The following SPON1 variants were observed in gnomAD, a reference collection of about 807,000 sequenced individuals.
SPON1 encodes the protein spondin 1.
Under a neutral mutation model 111.7 loss-of-function variants are expected in SPON1, and 52 were observed. The ratio of observed to expected loss-of-function variants is 0.47; its 90% CI spans 0.37 to 0.59. SPON1 has a LOEUF of 0.59. Ranked by LOEUF, SPON1 falls within the 20% of genes least tolerant of loss-of-function variation. The pLI is 0.00. For missense variants in SPON1, 957 were observed against 1,068.5 expected (o/e 0.90, Z 1.46); for synonymous variants, 410 against 395.8 (o/e 1.04, Z -0.43).
chr11:14,124,306 C>T (rs1847431257), intron 5 of SPON1, among the ~76,000 whole-genome samples: 1 of 152,148 alleles, frequency 6.6e-6, no homozygotes, highest in Admixed American at 6.5e-5. Flanking sequence ...ATAACCTTCC[C>T]CCAACTCCCT....
chr11:14,178,540 C>G (rs1318657186), intron 6 of SPON1, among the ~76,000 whole-genome samples: 1 of 152,108 alleles, frequency 6.6e-6, no homozygotes. Context: ...ATCAGCCTGC[C>G]TTTTTTTATT....
intron 14 of SPON1, chr11:14,262,426 G>A (rs1481135876): frequency 4.2e-6 from 2 of 475,708 alleles, no homozygotes; most frequent in Admixed American, 6.6e-5. Context: ...ACAGAGCAGG[G>A]CAAGAGGCTC....
chr11:14,156,582 T>C (rs1295746242), intron 6 of SPON1, among the ~76,000 whole-genome samples: 1 of 151,912 alleles, frequency 6.6e-6, no homozygotes, highest in Non-Finnish European at 1.5e-5. Context: ...GCCTATCTCC[T>C]GAATGGTATT....
At chr11:14,031,298 T>G (rs782217115) in intron 2 of SPON1, among the ~76,000 whole-genome samples, 10 of 152,216 alleles carry the variant, frequency 6.6e-5, no homozygotes, top group African/African-American at 1.4e-4. Flanking sequence ...AACCTGTACA[T>G]GTACACCCTG....
intron 5 of SPON1, among the ~76,000 whole-genome samples, chr11:14,088,020 G>A (rs1252681818): frequency 6.6e-6 from 1 of 151,994 alleles, no homozygotes; most frequent in Non-Finnish European, 1.5e-5. Context: ...GAGCCTATGT[G>A]TGCCTTTGCA....
chr11:14,204,704 T>G (rs1219475361), intron 6 of SPON1, among the ~76,000 whole-genome samples: 2 of 116,390 alleles, frequency 1.7e-5, no homozygotes, highest in Middle Eastern at 4.5e-3. Context: ...TGTTTGTTTG[T>G]TTTTGGTTTT....
At chr11:14,012,539 A>C (rs1460894661) in intron 2 of SPON1, among the ~76,000 whole-genome samples, 4 of 152,156 alleles carry the variant, frequency 2.6e-5, no homozygotes, top group Non-Finnish European at 4.4e-5. Context: ...TTCTCCATAA[A>C]TGCATCATCA....
At chr11:14,130,233 A>G in intron 5 of SPON1, among the ~76,000 whole-genome samples, 1 of 152,176 alleles carries the variant, frequency 6.6e-6, no homozygotes, top group East Asian at 1.9e-4. Context: ...TCATCTCCCT[A>G]CATCCCACTG....
In SPON1 at chr11:13,962,851, A is replaced by G. The variant is rs1591333223; in HGVS notation, c.-54A>G. On this transcript the variant is annotated 5_prime_UTR_variant, in exon 1 of 16. Transcript: ENST00000576479. Reference sequence around the variant, plus strand: ...CGCCTTCGTCGGGACCACTTCGGGCAGGAGTCGCGTGGCGAAGGCCTGCGG... The same window carrying G: ...CGCCTTCGTCGGGACCACTTCGGGCGGGAGTCGCGTGGCGAAGGCCTGCGG... 4.3e-6 allele frequency: 6 copies of G among 1,394,796 alleles called. No individual in the cohort carries two copies. The East Asian group carries it at 1.7e-4, about 40-fold the overall frequency. The allele number at this position is 1,394,796 out of a possible 1,614,324, so 86.4% of individuals were successfully genotyped here.
intron 6 of SPON1, among the ~76,000 whole-genome samples, chr11:14,142,986 C>T (rs1847674213): frequency 6.6e-6 from 1 of 152,324 alleles, no homozygotes. Context: ...CTCTCCCCGA[C>T]TATTTCTCAA....
intron 3 of SPON1, among the ~76,000 whole-genome samples, chr11:14,045,452 C>A (rs373578259): frequency 2.0e-5 from 3 of 151,976 alleles, no homozygotes; most frequent in Admixed American, 6.5e-5. Context: ...GTGGCATGCG[C>A]CTGTAATCCC....
intron 2 of SPON1, among the ~76,000 whole-genome samples, chr11:13,997,799 A>G (rs147570215): frequency 2.0e-5 from 3 of 152,324 alleles, no homozygotes; most frequent in Non-Finnish European, 2.9e-5. Context: ...AATCTGTTCA[A>G]TGTGGGTGGT....
At chr11:14,147,751 C>A (rs1189440166) in intron 6 of SPON1, among the ~76,000 whole-genome samples, 1 of 145,704 alleles carries the variant, frequency 6.9e-6, no homozygotes, top group Non-Finnish European at 1.5e-5. Context: ...AATACTAAGA[C>A]TTTTTTTTTT....
rs948244911 is a variant in SPON1, at chr11:13,986,722, C to T, written c.345+3769C>T. On this transcript the variant is annotated intron_variant, in intron 2 of 15. Transcript: ENST00000576479. ...ATGTTATCTCTCCCCTAGCCCCCGA[C>T]CCCCCGACAGACCCTGGTATGTGAT... is the stretch of plus-strand genomic sequence containing the variant. 5.9e-5 allele frequency among the ~76,000 whole-genome samples: 9 copies of T among 152,012 alleles called. No individual in the cohort carries two copies. In the East Asian group the frequency reaches 1.2e-3, roughly 20 times the overall value.
chr11:14,252,704 A>C (rs1849065914), intron 7 of SPON1, among the ~76,000 whole-genome samples: 1 of 152,036 alleles, frequency 6.6e-6, no homozygotes, highest in African/African-American at 2.4e-5. Context: ...AGACCTGCGC[A>C]GAGTGTGGGA....
chr11:14,032,547 G>A (rs1483399109), intron 2 of SPON1, among the ~76,000 whole-genome samples: 1 of 152,130 alleles, frequency 6.6e-6, no homozygotes, highest in Non-Finnish European at 1.5e-5. Context: ...TGGCTGCTTC[G>A]TCAATACTAT....
intron 6 of SPON1, among the ~76,000 whole-genome samples, chr11:14,216,152 TG>T (rs1280609252): frequency 4.6e-5 from 7 of 152,224 alleles, no homozygotes; most frequent in African/African-American, 1.7e-4. Flanking sequence ...TTAATATCTT[TG>T]GAAAGATGCA....
intron 2 of SPON1, among the ~76,000 whole-genome samples, chr11:14,002,269 T>C (rs574019240): frequency 6.6e-6 from 1 of 152,232 alleles, no homozygotes; most frequent in African/African-American, 2.4e-5. Flanking sequence ...TGGATACTTG[T>C]TTGTAATTCA....
intron 6 of SPON1, among the ~76,000 whole-genome samples, chr11:14,241,468 G>C (rs1564939095): frequency 6.6e-6 from 1 of 152,196 alleles, no homozygotes; most frequent in Non-Finnish European, 1.5e-5. Flanking sequence ...CCAGAGGGGA[G>C]ACTGTGGAAG....
Sources: allele counts gnomAD v4.1 joint callset (sites outside exome capture counted in the v4.1 genomes callset), GRCh38; gene constraint gnomAD v4.1.1; transcripts MANE v1.5; gene names NCBI Gene and HGNC (gene_info 2026-07-23, HGNC 2026-07-21).